Variants in EVL observed in about 807,000 individuals in gnomAD.
EVL encodes the protein ena/VASP-like protein.
In EVL, 21 loss-of-function variants were observed where a neutral mutation model predicts 59.6. That is an observed-to-expected ratio of 0.35 (90% confidence interval 0.25 to 0.51). The LOEUF (loss-of-function observed/expected upper bound fraction) is 0.51, where lower values mean the gene tolerates loss of function less well. Ranked by LOEUF, EVL falls within the 20% of genes least tolerant of loss-of-function variation. The pLI, the probability that EVL is intolerant of heterozygous loss-of-function variation, is 0.97. For missense variants in EVL, 462 were observed against 546.6 expected, an observed-to-expected ratio of 0.85 and a Z score of 1.54; for synonymous variants, 198 against 203.5, an observed-to-expected ratio of 0.97 and a Z score of 0.23.
chr14:99,984,306 T>C (rs1355576234), intron 1 of EVL, among the ~76,000 whole-genome samples: 1 of 152,240 alleles, frequency 6.6e-6, no homozygotes, highest in Non-Finnish European at 1.5e-5. Flanking sequence ...GATTTCTTTG[T>C]AAGGACGTTA....
intron 7 of EVL, among the ~76,000 whole-genome samples, chr14:100,131,231 C>T (rs951513671): frequency 1.3e-5 from 2 of 152,178 alleles, no homozygotes; most frequent in South Asian, 2.1e-4. Context: ...TCCCTAAGTC[C>T]TAGACCAAGC....
At chr14:100,053,084 G>T (rs1315511643) in intron 1 of EVL, 1 of 152,100 alleles carries the variant, frequency 6.6e-6, no homozygotes, top group African/African-American at 2.4e-5. Context: ...CTACCCTTAG[G>T]AGCTCATTTA....
Position 100,097,570 on chromosome 14 carries a change from C to G in EVL, c.270C>G (p.Tyr90Ter). 6.2e-7 allele frequency: 1 copy of G among 1,614,204 alleles called. No homozygotes were observed. The highest frequency in any genetic ancestry group is 8.5e-7 in the Non-Finnish European group (1 of 1,180,034). Residue 90 changes from tyrosine to a stop codon, truncating the protein, a stop_gained, in exon 3 of 14, where the codon TAC becomes TAG. Coordinates refer to ENST00000392920, the MANE Select transcript of EVL (RefSeq NM_016337.3). LOFTEE classifies it high-confidence loss of function. ...AGTGGCGAGATGCCCGCCAGGTCTACGGCTTAAACTTTGCAAGTAAAGAAG... is the reference window on the plus strand; with the variant it reads ...AGTGGCGAGATGCCCGCCAGGTCTAGGGCTTAAACTTTGCAAGTAAAGAAG... Reference protein sequence around the residue: ...FHQWRDARQVYGLNFASKEEA... With the variant: ...FHQWRDARQV
chr14:100,020,152 C>T (rs2061095682), intron 1 of EVL, among the ~76,000 whole-genome samples: 1 of 152,100 alleles, frequency 6.6e-6, no homozygotes, highest in Non-Finnish European at 1.5e-5. Flanking sequence ...TTTGGCTCTT[C>T]TTGTCTTCAT....
intron 1 of EVL, among the ~76,000 whole-genome samples, chr14:100,052,612 G>A (rs1288088790): frequency 1.3e-5 from 2 of 151,932 alleles, no homozygotes; most frequent in Non-Finnish European, 2.9e-5. Context: ...AATTAGCCAG[G>A]CATGGTGGTG....
chr14:99,975,625 G>C (rs1343838766), intron 1 of EVL, among the ~76,000 whole-genome samples: 1 of 152,198 alleles, frequency 6.6e-6, no homozygotes, highest in Non-Finnish European at 1.5e-5. Flanking sequence ...CATAAGGAGT[G>C]CACAATCTGG....
intron 3 of EVL, among the ~76,000 whole-genome samples, chr14:100,103,956 G>A (rs1886396825): frequency 1.3e-5 from 2 of 152,208 alleles, no homozygotes; most frequent in Admixed American, 1.3e-4. Flanking sequence ...CTGCAGGAGG[G>A]TGCGTGTGAG....
intron 1 of EVL, among the ~76,000 whole-genome samples, chr14:99,980,703 G>T (rs2060800518): frequency 6.6e-6 from 1 of 152,188 alleles, no homozygotes; most frequent in Non-Finnish European, 1.5e-5. Flanking sequence ...GGTGGCTTTT[G>T]TAAGGGCTAT....
chr14:99,988,284 G>A (rs1157559663), intron 1 of EVL, among the ~76,000 whole-genome samples: 1 of 152,080 alleles, frequency 6.6e-6, no homozygotes, highest in African/African-American at 2.4e-5. Context: ...TAAACAAATG[G>A]CCAATAAGCA....
chr14:100,057,037 A>G (rs964853921), intron 1 of EVL, among the ~76,000 whole-genome samples: 1 of 152,202 alleles, frequency 6.6e-6, no homozygotes, highest in Non-Finnish European at 1.5e-5. Flanking sequence ...CTCAGTAAAC[A>G]CTTCATTAAA....
upstream of EVL, among the ~76,000 whole-genome samples, chr14:100,064,735 AC>A (rs1025480791): frequency 5.1e-4 from 78 of 151,998 alleles, no homozygotes; most frequent in African/African-American, 1.8e-3. Flanking sequence ...ACATGGAGAA[AC>A]CCCGTCTCTA....
chr14:100,030,381 C>T (rs60720880), intron 1 of EVL, among the ~76,000 whole-genome samples: 10,757 of 152,062 alleles, frequency 0.071, 440 homozygotes, highest in Non-Finnish European at 0.077. Context: ...GGATTATAGG[C>T]GTGAGCCACC....
intron 3 of EVL, among the ~76,000 whole-genome samples, chr14:100,111,073 C>T (rs1437872231): frequency 2.0e-5 from 3 of 151,906 alleles, no homozygotes; most frequent in Admixed American, 6.6e-5. Context: ...TCCAGGCACC[C>T]GCTCCACCCT....
chr14:100,034,062 C>T (rs2061352317), intron 1 of EVL, among the ~76,000 whole-genome samples: 1 of 150,446 alleles, frequency 6.6e-6, no homozygotes, highest in Non-Finnish European at 1.5e-5. Context: ...CCCGTCTCTA[C>T]TAAAAATACA....
chr14:100,110,256 C>T (rs1886876745), intron 3 of EVL, among the ~76,000 whole-genome samples: 1 of 152,060 alleles, frequency 6.6e-6, no homozygotes, highest in African/African-American at 2.4e-5. Flanking sequence ...TGCCTGTGGT[C>T]CCAGCTACTC....
chr14:100,062,068 G>A (rs2061844359), upstream of EVL, among the ~76,000 whole-genome samples: 1 of 151,966 alleles, frequency 6.6e-6, no homozygotes, highest in Non-Finnish European at 1.5e-5. Context: ...AGCCCAGGAA[G>A]TTGAGGCTGC....
chr14:100,056,231 T>G (rs931772578), intron 1 of EVL, among the ~76,000 whole-genome samples: 5 of 152,090 alleles, frequency 3.3e-5, no homozygotes, highest in Non-Finnish European at 5.9e-5. Flanking sequence ...ATTTTTTTTT[T>G]GCTTCTGAGA....
intron 1 of EVL, among the ~76,000 whole-genome samples, chr14:100,010,373 C>G (rs933369754): frequency 2.1e-4 from 32 of 152,038 alleles, no homozygotes; most frequent in Admixed American, 2.0e-3. Context: ...AGAACTTGGT[C>G]GTCATTATTG....
In EVL at chr14:100,130,581, G is replaced by A. The variant is rs1888372047; in HGVS notation, c.839+897G>A. The stretch of plus-strand genomic sequence containing the variant: ...GCTGCCTTCCAATTGGCTGACCCAA[G>A]TGAGAACTCTGTGTGCCCAGGGTCT... On this transcript the variant is annotated intron_variant, in intron 7 of 13. Transcript: ENST00000392920. This position sits in a 1 kb window ranked among gnomAD's most constrained non-coding sequence, Gnocchi z 4.8. Among the ~76,000 whole-genome samples the A allele has an allele frequency of 6.6e-6, 1 of 152,192 alleles. No individual in the cohort carries two copies. The highest frequency in any genetic ancestry group is 2.4e-5 in the African/African-American group (1 of 41,454).
Sources: gnomAD v4.1 joint callset for allele counts (sites outside exome capture counted in the v4.1 genomes callset) on GRCh38, gnomAD v4.1.1 for gene constraint, Gnocchi (gnomAD v3.1) non-coding constraint, MANE v1.5 for transcripts, NCBI Gene and HGNC (gene_info 2026-07-23, HGNC 2026-07-21) for gene names.